P2RY12: variants seen among roughly 807,000 people sequenced by gnomAD.
P2RY12 encodes purinergic receptor P2Y12, also known as P2Y purinoceptor 12.
A neutral mutation model predicts 4.5 loss-of-function variants in P2RY12; 3 were observed. The observed-to-expected ratio is 0.67, with a 90% CI of 0.31 to 1.74. P2RY12 has a LOEUF of 1.74. Ranked by LOEUF, P2RY12 falls within the 40% of genes most tolerant of loss-of-function variation. P2RY12 has a pLI of 0.09. For synonymous variants in P2RY12, 148 were observed against 154.1 expected, an observed-to-expected ratio of 0.96 and a Z score of 0.29; for missense variants, 356 against 407.8, an observed-to-expected ratio of 0.87 and a Z score of 1.09.
intron 1 of P2RY12, chr3:151,367,499 T>C (rs1295381921): frequency 2.6e-5 from 16 of 614,098 alleles, no homozygotes; most frequent in Non-Finnish European, 4.2e-5. Flanking sequence ...TAGAGGATAA[T>C]CATCATGATA....
In P2RY12 at chr3:151,353,442, C is replaced by T. The variant is rs1444546593; in HGVS notation, c.-179-12682G>A. Reference sequence around the variant, plus strand: ...GCAGGTTTAATGAATTTGTTAGTTCCTAATCTTTGCATTATATTTGGTGTT... The same window carrying T: ...GCAGGTTTAATGAATTTGTTAGTTCTTAATCTTTGCATTATATTTGGTGTT... On this transcript the variant is annotated intron_variant, in intron 1 of 2. Coordinates refer to ENST00000302632, the MANE Select transcript of P2RY12 (RefSeq NM_022788.5). 7.2e-5 allele frequency among the ~76,000 whole-genome samples: 11 copies of T among 152,258 alleles called. 1 individual carries two copies. The South Asian group carries it at 2.1e-3, about 29-fold the overall frequency.
intron 1 of P2RY12, among the ~76,000 whole-genome samples, chr3:151,361,645 A>G (rs569468003): frequency 1.3e-5 from 2 of 152,244 alleles, no homozygotes; most frequent in South Asian, 4.1e-4. Context: ...CTTATCCAGA[A>G]TTTGTATTGA....
chr3:151,343,000 G>GCTGT (rs748768340), intron 1 of P2RY12, among the ~76,000 whole-genome samples: 3 of 152,096 alleles, frequency 2.0e-5, no homozygotes, highest in Admixed American at 6.6e-5. Flanking sequence ...TCTGACCTGT[G>GCTGT]CTGTCTAGTT....
chr3:151,362,885 A>G (rs1156442190), intron 1 of P2RY12, among the ~76,000 whole-genome samples: 1 of 152,182 alleles, frequency 6.6e-6, no homozygotes, highest in African/African-American at 2.4e-5. Flanking sequence ...CAATTTAAAA[A>G]TACTTAACAT....
At chr3:151,365,292 C>A (rs1265088555) in intron 1 of P2RY12, 1 of 1,098,684 alleles carries the variant, frequency 9.1e-7, no homozygotes, top group Non-Finnish European at 1.4e-6. Context: ...TAGTAAGTGT[C>A]TGGACTCACA....
chr3:151,363,605 A>G (rs964499851), intron 1 of P2RY12, among the ~76,000 whole-genome samples: 4 of 152,212 alleles, frequency 2.6e-5, no homozygotes, highest in African/African-American at 9.6e-5. Context: ...TTCAATGACA[A>G]CCAACACATT....
intron 1 of P2RY12, among the ~76,000 whole-genome samples, chr3:151,345,564 C>G (rs1490761024): frequency 1.4e-5 from 2 of 143,856 alleles, no homozygotes; most frequent in Non-Finnish European, 3.0e-5. Flanking sequence ...GTCACCCAGG[C>G]TGGAGTGCAA....
In P2RY12 at chr3:151,337,761, T is replaced by C; in HGVS notation, c.*56A>G. On this transcript the variant is annotated 3_prime_UTR_variant, in exon 3 of 3. Coordinates refer to ENST00000302632, the MANE Select transcript of P2RY12 (RefSeq NM_022788.5). ...TCAGTTAATATTTTTACTTAGCGCT[T>C]TGCTTTAACGAGTTCTGAACACAAA... 1 of 1,549,576 alleles carries C rather than the reference T, an allele frequency of 6.5e-7. No homozygotes were observed. The highest frequency in any genetic ancestry group is 1.1e-5 in the South Asian group (1 of 88,280).
intron 1 of P2RY12, chr3:151,376,060 A>G: frequency 6.3e-7 from 1 of 1,596,174 alleles, no homozygotes; most frequent in Non-Finnish European, 8.5e-7. Context: ...AAAGAACCTG[A>G]AAGATTATGT....
At chr3:151,378,114 G>A (rs768054844) in intron 1 of P2RY12, 4 of 1,612,474 alleles carry the variant, frequency 2.5e-6, no homozygotes, top group Non-Finnish European at 3.4e-6. Context: ...AAGAGCTGGA[G>A]AAGGGACAGC....
intron 1 of P2RY12, among the ~76,000 whole-genome samples, chr3:151,371,073 G>T (rs950621172): frequency 1.3e-5 from 2 of 152,212 alleles, no homozygotes; most frequent in Non-Finnish European, 2.9e-5. Context: ...TACCTTCTCT[G>T]TTGTCCTAAC....
chr3:151,368,158 G>A (rs1207782214), intron 1 of P2RY12: 3 of 1,613,926 alleles, frequency 1.9e-6, no homozygotes, highest in Admixed American at 1.7e-5. Flanking sequence ...AGCTTGTGGG[G>A]ATGCGGACGC....
chr3:151,338,383 G>A lies in P2RY12; in HGVS notation c.463C>T (p.Leu155Phe), dbSNP rs1044568742. The change falls in exon 3 of 3, where the codon CTC becomes TTC. Residue 155 changes from leucine to phenylalanine, a missense_variant. Transcript: ENST00000302632. ...SVVIWAFMFL[L>F]SLPNMILTNR... ...GTCAGAATCATGTTAGGCAAAGAGA[G>A]TAAGAACATGAATGCCCAGATGACA... is the stretch of plus-strand genomic sequence containing the variant. 3.1e-6 allele frequency: 5 copies of A among 1,613,992 alleles called. No individual in the cohort carries two copies. In the Admixed American group the frequency reaches 6.7e-5, roughly 22 times the overall value.
At chr3:151,384,006 C>T in intron 1 of P2RY12, 1 of 1,518,142 alleles carries the variant, frequency 6.6e-7, no homozygotes, top group Non-Finnish European at 9.0e-7. Flanking sequence ...AAATTCTGTG[C>T]CTTGAATAAA....
Position 151,338,261 on chromosome 3 carries a change from T to C in P2RY12, c.585A>G (p.Gln195=). 6.2e-7 allele frequency: 1 copy of C among 1,614,012 alleles called. No individual in the cohort carries two copies. Among genetic ancestry groups the C allele is most frequent in the Middle Eastern group, 1.6e-4 (1 of 6,062 alleles). ...VWHEIVNYIC[Q]VIFWINFLIV... Reference sequence around the variant, plus strand: ...TTAAGAAATTAATCCAGAAAATGACTTGACAGATGTAATTTACTATTTCAT... The same window carrying C: ...TTAAGAAATTAATCCAGAAAATGACCTGACAGATGTAATTTACTATTTCAT... Residue 195 remains glutamine (Q), a synonymous_variant, in exon 3 of 3, where the codon CAA becomes CAG. Transcript: ENST00000302632.
In P2RY12 at chr3:151,384,091, T is replaced by G. The variant is rs762809197; in HGVS notation, c.-180+601A>C. The G allele has an allele frequency of 2.5e-6, 4 of 1,612,490 alleles. No homozygotes were observed. Among genetic ancestry groups the G allele is most frequent in the Non-Finnish European group, 3.4e-6 (4 of 1,179,502 alleles). ...ATTATTTTCTTTCTTAGTGAATTATTCACAACAGTTCTTGACATGCTGGGT... is the reference window on the plus strand; with the variant it reads ...ATTATTTTCTTTCTTAGTGAATTATGCACAACAGTTCTTGACATGCTGGGT... On this transcript the variant is annotated intron_variant, in intron 1 of 2. Transcript: ENST00000302632.
intron 1 of P2RY12, chr3:151,384,159 T>A: frequency 6.2e-7 from 1 of 1,614,036 alleles, no homozygotes; most frequent in Non-Finnish European, 8.5e-7. Context: ...ATCAAATGCA[T>A]CCCCTGGGGG....
chr3:151,375,980 T>TATATATATATAC (rs754108179), intron 1 of P2RY12: 7 of 1,077,838 alleles, frequency 6.5e-6, no homozygotes, highest in Non-Finnish European at 9.2e-6. Context: ...CATATATATA[T>TATATATATATAC]ACCGAAAGCC....
chr3:151,365,122 T>G (rs748739505), intron 1 of P2RY12: 1 of 1,614,034 alleles, frequency 6.2e-7, no homozygotes, highest in Non-Finnish European at 8.5e-7. Flanking sequence ...CTGGGCAAGA[T>G]CCTCAGTGAC....
Sources: gnomAD v4.1 joint callset for allele counts (sites outside exome capture counted in the v4.1 genomes callset) on GRCh38, gnomAD v4.1.1 for gene constraint, MANE v1.5 for transcripts, NCBI Gene and HGNC (gene_info 2026-07-23, HGNC 2026-07-21) for gene names.